The following GPLD1 variants were observed in gnomAD, a reference collection of about 807,000 sequenced individuals.
The protein encoded by GPLD1 is phosphatidylinositol-glycan-specific phospholipase D.
GPLD1 carries 84 observed loss-of-function variants against 112.6 expected under a neutral mutation model. The observed-to-expected ratio is 0.75, with a 90% CI of 0.63 to 0.89. GPLD1 has a LOEUF of 0.89. GPLD1 is among the 40% of genes least tolerant of loss of function. The pLI is 0.00. For missense variants in GPLD1, 1,044 were observed against 1,051.5 expected, an observed-to-expected ratio of 0.99 and a Z score of 0.10; for synonymous variants, 386 against 403.8, an observed-to-expected ratio of 0.96 and a Z score of 0.53.
At chr6:24,474,194 CACACACACACACAT>C (rs1173258052) in intron 5 of GPLD1, among the ~76,000 whole-genome samples, 2 of 148,394 alleles carry the variant, frequency 1.3e-5, no homozygotes, top group South Asian at 2.1e-4. Flanking sequence ...CACACACACA[CACACACACACACAT>C]ATATATGCAG....
intron 6 of GPLD1, chr6:24,473,386 C>A: frequency 3.0e-6 from 1 of 330,828 alleles, no homozygotes; most frequent in Non-Finnish European, 5.6e-6. Context: ...TATGACATGT[C>A]AACAACAAAG....
intron 22 of GPLD1, among the ~76,000 whole-genome samples, chr6:24,434,346 C>A (rs1317355273): frequency 6.6e-6 from 1 of 150,950 alleles, no homozygotes; most frequent in Non-Finnish European, 1.5e-5. Flanking sequence ...TTTACTGAGC[C>A]GAGATCATGC....
chr6:24,434,941 A>G (rs1332694505), intron 22 of GPLD1, among the ~76,000 whole-genome samples: 2 of 151,428 alleles, frequency 1.3e-5, no homozygotes, highest in African/African-American at 4.9e-5. Flanking sequence ...AAGTGCTGGG[A>G]TTACAAGCAT....
chr6:24,464,200 A>G (rs1210882635), intron 10 of GPLD1, among the ~76,000 whole-genome samples: 2 of 152,180 alleles, frequency 1.3e-5, no homozygotes, highest in East Asian at 3.8e-4. Flanking sequence ...TCTATTCTAA[A>G]CCCTTTACAT....
intron 11 of GPLD1, among the ~76,000 whole-genome samples, chr6:24,461,208 C>A (rs936450205): frequency 6.6e-6 from 1 of 151,974 alleles, no homozygotes; most frequent in Non-Finnish European, 1.5e-5. Context: ...AGTGACGGGG[C>A]CCTGGGCATG....
chr6:24,469,008 T>A (rs1201448300), intron 7 of GPLD1, among the ~76,000 whole-genome samples: 1 of 152,242 alleles, frequency 6.6e-6, no homozygotes, highest in Non-Finnish European at 1.5e-5. Flanking sequence ...ATGAAAAGAA[T>A]TCTAAATCAG....
At chr6:24,462,847 G>T in intron 10 of GPLD1, 52 bp from the exon 11 acceptor site, 1 of 1,291,338 alleles carries the variant, frequency 7.7e-7, no homozygotes, top group Admixed American at 1.7e-5. Flanking sequence ...TCACAAGCAT[G>T]AATTTTACCG....
At chr6:24,436,455 G>T in intron 22 of GPLD1, 121 bp downstream of exon 22, 1 of 775,976 alleles carries the variant, frequency 1.3e-6, no homozygotes, top group Non-Finnish European at 2.1e-6. Context: ...GACAGATGAT[G>T]GTGTCCTGAC....
rs763743047 is a variant in GPLD1, at chr6:24,437,179, C to T, written c.2131G>A (p.Gly711Arg). Residue 711 changes from glycine (G) to arginine (R), a missense_variant, in exon 21 of 25, where the codon GGA becomes AGA. Coordinates refer to ENST00000230036, the MANE Select transcript of GPLD1 (RefSeq NM_001503.4). Reference sequence around the variant, plus strand: ...CCAAATCGGGAGAAGCGGCGGTCTCCGCTGAAGGTGCTGAGCAGCAGAGGC... The same window carrying T: ...CCAAATCGGGAGAAGCGGCGGTCTCTGCTGAAGGTGCTGAGCAGCAGAGGC... ...AQPLLLSTFSGDRRFSRFGGV... is the reference protein window; with the variant it reads ...AQPLLLSTFSRDRRFSRFGGV... The T allele has an allele frequency of 3.6e-5, 58 of 1,614,084 alleles. No homozygotes were observed. Among genetic ancestry groups the T allele is most frequent in the Admixed American group, 2.2e-4 (13 of 60,012 alleles).
chr6:24,491,573 T>G (rs979516272), upstream of GPLD1, among the ~76,000 whole-genome samples: 2 of 152,030 alleles, frequency 1.3e-5, no homozygotes, highest in Non-Finnish European at 2.9e-5. Flanking sequence ...CCGGGCATGG[T>G]GGCATGCACT....
downstream of GPLD1, chr6:24,425,242 A>AAT (rs1305125853): frequency 1.3e-5 from 2 of 152,216 alleles, no homozygotes; most frequent in Non-Finnish European, 2.9e-5. Flanking sequence ...ATACATAATA[A>AAT]GTACTACTTA....
At position 24,460,322 on chromosome 6, in the gene GPLD1, T is replaced by C. The variant is rs1168361607; in HGVS notation, c.965A>G (p.Tyr322Cys). 3 of 1,613,206 alleles carry C rather than the reference T, an allele frequency of 1.9e-6. No homozygotes were observed. In the South Asian group the frequency reaches 3.3e-5, roughly 18 times the overall value. Residue 322 changes from tyrosine to cysteine, a missense_variant, in exon 12 of 25, where the codon TAT becomes TGT. By Grantham distance (194) the Tyr-to-Cys change is radical. Coordinates refer to ENST00000230036, the MANE Select transcript of GPLD1 (RefSeq NM_001503.4). The part of the protein sequence containing the change: ...LTESVDRNIN[Y>C]TERGVFFSVN... ...ACTAAAGAACACTCCTCTTTCAGTA[T>C]AGTTTATATTCCTGTCAACACTTTC...
chr6:24,495,061 GC>G, exon 1 of GPLD1: 2 of 1,341,564 alleles, frequency 1.5e-6, no homozygotes, highest in Non-Finnish European at 9.5e-7. Flanking sequence ...TTTCCAGGCT[GC>G]CGCCTCCGCC....
chr6:24,481,342 C>T (rs7773357), intron 2 of GPLD1, among the ~76,000 whole-genome samples: 4,351 of 142,250 alleles, frequency 0.031, 122 homozygotes, highest in African/African-American at 0.083. Flanking sequence ...AATATCCCGC[C>T]CTTTTTTTTT....
chr6:24,472,630 T>A lies in GPLD1; in HGVS notation c.497A>T (p.Asp166Val). Reference sequence around the variant, plus strand: ...ATTAAATTCAAACTGGCTCAACACATCTCCTCCTAGGGTATGAGAAAAATA... The same window carrying A: ...ATTAAATTCAAACTGGCTCAACACAACTCCTCCTAGGGTATGAGAAAAATA... ...EAHSAGDFGG[D>V]VLSQFEFNFN... The change falls in exon 7 of 25, where the codon GAT becomes GTT. Residue 166 changes from aspartate to valine, a missense_variant. Transcript: ENST00000230036. The A allele has an allele frequency of 6.3e-7, 1 of 1,584,076 alleles. No individual in the cohort carries two copies.
intron 22 of GPLD1, among the ~76,000 whole-genome samples, chr6:24,436,251 G>A (rs971932386): frequency 6.6e-6 from 1 of 152,146 alleles, no homozygotes; most frequent in African/African-American, 2.4e-5. Context: ...ACAGGAACCC[G>A]TCTCTATTTT....
intron 7 of GPLD1, among the ~76,000 whole-genome samples, chr6:24,469,887 TTTTTA>T (rs1225597720): frequency 1.3e-5 from 2 of 152,224 alleles, no homozygotes; most frequent in Non-Finnish European, 2.9e-5. Flanking sequence ...AGAGACTCAT[TTTTTA>T]TTTTATAAGA....
At chr6:24,442,441 T>G (rs1762777216) in intron 20 of GPLD1, among the ~76,000 whole-genome samples, 1 of 70,782 alleles carries the variant, frequency 1.4e-5, no homozygotes, top group Non-Finnish European at 3.1e-5. Context: ...TTTTTTTTTT[T>G]TTTTTTTTTT....
At position 24,447,868 on chromosome 6, in the gene GPLD1, A is replaced by G. The variant is rs1250748780; in HGVS notation, c.1678+9T>C. ...GCCATGGTCTCACCCATTCCCCCTC[A>G]GGCACTACCTTTGTCGCTCAGGCTG... On this transcript the variant is annotated intron_variant, in intron 17 of 24. Coordinates refer to ENST00000230036, the MANE Select transcript of GPLD1 (RefSeq NM_001503.4). 2 of 1,613,368 alleles carry G rather than the reference A, an allele frequency of 1.2e-6. No homozygotes were observed. The highest frequency in any genetic ancestry group is 1.7e-6 in the Non-Finnish European group (2 of 1,179,792).
Sources: gnomAD v4.1 joint callset for allele counts (sites outside exome capture counted in the v4.1 genomes callset) on GRCh38, gnomAD v4.1.1 for gene constraint, MANE v1.5 for transcripts, NCBI Gene and HGNC (gene_info 2026-07-23, HGNC 2026-07-21) for gene names.